PDE4D: variants seen among roughly 807,000 people sequenced by gnomAD.
The protein encoded by PDE4D is 3',5'-cyclic-AMP phosphodiesterase 4D.
In PDE4D, 24 loss-of-function variants were observed where a neutral mutation model predicts 87.4. The observed-to-expected ratio is 0.27, with a 90% confidence interval of 0.20 to 0.39. The LOEUF (loss-of-function observed/expected upper bound fraction) is 0.39. Among genes scored for constraint, PDE4D ranks in the 10% least tolerant of loss-of-function variants. PDE4D has a pLI of 1.00. For synonymous variants in PDE4D, 384 were observed against 383.2 expected (o/e 1.00, Z -0.02); for missense variants, 714 against 1,041.0 (o/e 0.69, Z 4.32).
At chr5:59,989,594 G>A (rs1472162906) in intron 2 of PDE4D, among the ~76,000 whole-genome samples, 3 of 152,042 alleles carry the variant, frequency 2.0e-5, no homozygotes, top group Non-Finnish European at 4.4e-5. Flanking sequence ...AGAAACTTGA[G>A]GACCCAGTAG....
chr5:59,570,213 A>G (rs2153695254), intron 1 of PDE4D, among the ~76,000 whole-genome samples: 1 of 152,312 alleles, frequency 6.6e-6, no homozygotes, highest in Non-Finnish European at 1.5e-5. Context: ...TGTTCTAGCT[A>G]CACAGCTGGA....
At chr5:59,896,132 TA>T (rs1751615100), upstream of PDE4D, among the ~76,000 whole-genome samples, 1 of 152,236 alleles carries the variant, frequency 6.6e-6, no homozygotes, top group African/African-American at 2.4e-5. Context: ...TTACTTTAGC[TA>T]AATTATTTAC....
In PDE4D at chr5:59,878,887, G is replaced by GTTTTT. The variant is rs70975345; in HGVS notation, c.455+14276_455+14280dup. 2.1e-4 allele frequency among the ~76,000 whole-genome samples: 15 copies of GTTTTT among 71,754 alleles called. 2 individuals carry two copies. Among genetic ancestry groups the GTTTTT allele is most frequent in the African/African-American group, 7.0e-4 (14 of 20,044 alleles). 47.1% of individuals were successfully genotyped at this position (71,754 alleles called of 152,430 possible). A position where few individuals can be genotyped will look rare whatever the true frequency, so the allele number is the denominator to read the frequency against. ...ATGGTCTACATATCTACCGAAGTAA[G>GTTTTT]TTTTTTTTTTTTTTTTTTTTTTTTT... is the stretch of plus-strand genomic sequence containing the variant. On this transcript the variant is annotated intron_variant, in intron 1 of 14. Transcript: ENST00000340635.
chr5:60,059,598 C>A (rs1771167382), intron 2 of PDE4D, among the ~76,000 whole-genome samples: 1 of 151,858 alleles, frequency 6.6e-6, no homozygotes. Flanking sequence ...ATAAATATGA[C>A]AGACTGAGAG....
intron 1 of PDE4D, among the ~76,000 whole-genome samples, chr5:59,463,374 C>T (rs1386067878): frequency 6.6e-6 from 1 of 152,094 alleles, no homozygotes; most frequent in Non-Finnish European, 1.5e-5. Flanking sequence ...TGAGATTAAA[C>T]TCACATACAT....
chr5:59,124,732 T>C (rs1441991838), intron 5 of PDE4D, among the ~76,000 whole-genome samples: 2 of 152,200 alleles, frequency 1.3e-5, no homozygotes, highest in Non-Finnish European at 2.9e-5. Flanking sequence ...TAAGAACATA[T>C]ATAGTAAAAA....
At chr5:59,444,642 C>G (rs913755137) in intron 1 of PDE4D, among the ~76,000 whole-genome samples, 8 of 152,080 alleles carry the variant, frequency 5.3e-5, no homozygotes, top group African/African-American at 1.9e-4. Flanking sequence ...GAAACCCCGT[C>G]TCTACTAAAA....
intron 5 of PDE4D, among the ~76,000 whole-genome samples, chr5:59,112,958 G>A (rs1017960237): frequency 2.0e-5 from 3 of 151,880 alleles, no homozygotes; most frequent in African/African-American, 4.8e-5. Flanking sequence ...GCACCACCAC[G>A]CATGGCTAAT....
intron 3 of PDE4D, among the ~76,000 whole-genome samples, chr5:59,960,597 A>AAT (rs1394810132): frequency 6.6e-6 from 1 of 152,234 alleles, no homozygotes. Context: ...TGAATGAATG[A>AAT]ATGCAGAAAC....
chr5:59,313,228 C>G (rs1773038005), intron 1 of PDE4D, among the ~76,000 whole-genome samples: 3 of 152,108 alleles, frequency 2.0e-5, no homozygotes, highest in Admixed American at 1.3e-4. Flanking sequence ...GCAACTTACC[C>G]CCAAATTCTG....
chr5:60,248,866 C>T (rs1056825448), intron 1 of PDE4D, among the ~76,000 whole-genome samples: 6 of 152,122 alleles, frequency 3.9e-5, no homozygotes, highest in Middle Eastern at 3.4e-3. Flanking sequence ...CCTGACACAT[C>T]TGCATCATCC....
chr5:59,179,302 A>T (rs552197957), intron 5 of PDE4D, among the ~76,000 whole-genome samples: 24 of 152,154 alleles, frequency 1.6e-4, no homozygotes, highest in Non-Finnish European at 3.1e-4. Flanking sequence ...GGGTTTCGCC[A>T]TGTTGGCCAG....
intron 1 of PDE4D, among the ~76,000 whole-genome samples, chr5:59,322,658 T>A (rs1774918956): frequency 6.6e-6 from 1 of 152,150 alleles, no homozygotes; most frequent in African/African-American, 2.4e-5. Flanking sequence ...CTCTCCTCCC[T>A]CAGTGATATT....
intron 1 of PDE4D, among the ~76,000 whole-genome samples, chr5:59,812,322 AG>A (rs1768447620): frequency 6.6e-6 from 1 of 152,214 alleles, no homozygotes; most frequent in African/African-American, 2.4e-5. Context: ...GGATGGTTGT[AG>A]CCCTGTTTAT....
At chr5:59,123,009 T>G (rs1454556695) in intron 5 of PDE4D, among the ~76,000 whole-genome samples, 4 of 152,140 alleles carry the variant, frequency 2.6e-5, no homozygotes, top group Admixed American at 6.5e-5. Flanking sequence ...TAAAATGGCA[T>G]TCTGCATTCT....
At chr5:60,405,919 C>T (rs1203997423) in intron 1 of PDE4D, among the ~76,000 whole-genome samples, 2 of 152,150 alleles carry the variant, frequency 1.3e-5, no homozygotes, top group Admixed American at 1.3e-4. Flanking sequence ...TCCACCATAT[C>T]CTGCCCCTTC....
chr5:59,055,061 G>A (rs1388990093), intron 5 of PDE4D, among the ~76,000 whole-genome samples: 1 of 152,074 alleles, frequency 6.6e-6, no homozygotes, highest in African/African-American at 2.4e-5. Flanking sequence ...ATAAAGCAGC[G>A]GCCACTCACT....
chr5:59,705,688 A>G (rs1218468467), intron 1 of PDE4D, among the ~76,000 whole-genome samples: 1 of 152,128 alleles, frequency 6.6e-6, no homozygotes. Flanking sequence ...TAATATTAAT[A>G]GTTCCATTTT....
chr5:60,153,179 C>G (rs540451672), intron 2 of PDE4D, among the ~76,000 whole-genome samples: 1 of 152,246 alleles, frequency 6.6e-6, no homozygotes, highest in South Asian at 2.1e-4. Context: ...AACTCAGTAT[C>G]AAGAAAACAC....
Sources: allele counts gnomAD v4.1 joint callset (sites outside exome capture counted in the v4.1 genomes callset), GRCh38; gene constraint gnomAD v4.1.1; transcripts MANE v1.5; gene names NCBI Gene and HGNC (gene_info 2026-07-23, HGNC 2026-07-21).